Variants in INSR observed in about 807,000 individuals in gnomAD.
The protein encoded by INSR is IR.
A neutral mutation model predicts 142.6 loss-of-function variants in INSR; 67 were observed. That is an observed-to-expected ratio of 0.47 (90% CI 0.39 to 0.58). The LOEUF is 0.58. Among genes scored for constraint, INSR ranks in the 20% least tolerant of loss-of-function variants. The pLI, the probability that INSR is intolerant of heterozygous loss-of-function variation, is 0.00. For missense variants in INSR, 1,248 were observed against 1,833.2 expected (o/e 0.68, Z 5.83); for synonymous variants, 756 against 743.1 (o/e 1.02, Z -0.28).
At chr19:7,264,970 G>GACTC (rs1196936684) in intron 2 of INSR, among the ~76,000 whole-genome samples, 1 of 152,136 alleles carries the variant, frequency 6.6e-6, no homozygotes, top group Non-Finnish European at 1.5e-5. Context: ...TCTATTTAAG[G>GACTC]ACTCACTCAC....
At chr19:7,124,054 T>C (rs977676646) in intron 17 of INSR, among the ~76,000 whole-genome samples, 2 of 148,704 alleles carry the variant, frequency 1.3e-5, no homozygotes, top group African/African-American at 5.0e-5. Flanking sequence ...ACCCCGTCTC[T>C]ACTGAAAATA....
At chr19:7,151,201 TTTCTTTC>T (rs1973347321) in intron 10 of INSR, among the ~76,000 whole-genome samples, 7 of 116,482 alleles carry the variant, frequency 6.0e-5, no homozygotes, top group African/African-American at 2.0e-4. Context: ...TCTTTCTTTC[TTTCTTTC>T]TTTTTCTTTC....
intron 2 of INSR, among the ~76,000 whole-genome samples, chr19:7,185,860 GAGAGAGAGAGACAA>G (rs1974415793): frequency 6.2e-4 from 28 of 45,512 alleles, no homozygotes; most frequent in African/African-American, 1.9e-3. Context: ...AAAAAAAAAA[GAGAGAGAGAGACAA>G]AGAGAGAGAG....
chr19:7,273,025 C>T (rs914364676), intron 1 of INSR, among the ~76,000 whole-genome samples: 2 of 152,174 alleles, frequency 1.3e-5, no homozygotes, highest in East Asian at 1.9e-4. Context: ...CTAGAGGGTA[C>T]AGGGTTTCTT....
chr19:7,213,067 C>T (rs552662586), intron 2 of INSR, among the ~76,000 whole-genome samples: 4 of 151,104 alleles, frequency 2.6e-5, no homozygotes, highest in Non-Finnish European at 5.9e-5. Flanking sequence ...TACAGGGGGC[C>T]GGGCGCGGTG....
At chr19:7,196,842 A>G (rs112087594) in intron 2 of INSR, among the ~76,000 whole-genome samples, 1 of 152,214 alleles carries the variant, frequency 6.6e-6, no homozygotes, top group Non-Finnish European at 1.5e-5. Context: ...GAAATTTCCA[A>G]ACGGAACAGT....
At chr19:7,194,216 C>T (rs1009194061) in intron 2 of INSR, among the ~76,000 whole-genome samples, 1 of 151,934 alleles carries the variant, frequency 6.6e-6, no homozygotes, top group African/African-American at 2.4e-5. Context: ...GTCAGGAGTT[C>T]GAGACCAGCC....
At chr19:7,213,356 A>AAAC (rs1555753427) in intron 2 of INSR, among the ~76,000 whole-genome samples, 2 of 140,428 alleles carry the variant, frequency 1.4e-5, no homozygotes, top group African/African-American at 3.2e-5. Flanking sequence ...AAAAAAAAAA[A>AAAC]AAACAAACAA....
chr19:7,139,492 G>A (rs66902150), intron 13 of INSR, among the ~76,000 whole-genome samples: 11,165 of 152,108 alleles, frequency 0.073, 588 homozygotes, highest in African/African-American at 0.14. Flanking sequence ...AGGCTATTGT[G>A]GACAGAGACA....
rs1431132740 is a variant in INSR at position 7,225,883 on chromosome 19, G to T, written c.653-41246C>A. 6.6e-6 allele frequency among the ~76,000 whole-genome samples: 1 copy of T among 152,170 alleles called. No individual in the cohort carries two copies. The highest frequency in any genetic ancestry group is 1.5e-5 in the Non-Finnish European group (1 of 68,020). ...CGCTCCAGGCATGGAATGGGTGGAA[G>T]CCAGGGATGCTGCTAGCACCCTCAG... is the stretch of plus-strand genomic sequence containing the variant. On this transcript the variant is annotated intron_variant, in intron 2 of 21. Coordinates refer to ENST00000302850, the MANE Select transcript of INSR (RefSeq NM_000208.4). The surrounding 1 kb of genome is among the most constrained non-coding windows in gnomAD (Gnocchi z 4.7).
intron 1 of INSR, chr19:7,268,542 C>T (rs766398462): frequency 1.0e-6 from 1 of 985,366 alleles, no homozygotes; most frequent in Non-Finnish European, 1.2e-6. Context: ...CTGCACTTCC[C>T]TCAAGATTCT....
chr19:7,184,914 T>C (rs1179502245), intron 2 of INSR, among the ~76,000 whole-genome samples: 1 of 152,186 alleles, frequency 6.6e-6, no homozygotes, highest in Non-Finnish European at 1.5e-5. Context: ...CCCAGATTTA[T>C]ATAGCATTTG....
chr19:7,280,865 T>G (rs1968188212), intron 1 of INSR, among the ~76,000 whole-genome samples: 1 of 151,588 alleles, frequency 6.6e-6, no homozygotes, highest in South Asian at 2.1e-4. Flanking sequence ...TGCACTGCAC[T>G]CCAGCCTGGG....
chr19:7,267,963 C>A lies in INSR; in HGVS notation c.101-67G>T. On this transcript the variant is annotated intron_variant, in intron 1 of 21. Coordinates refer to ENST00000302850, the MANE Select transcript of INSR (RefSeq NM_000208.4). This position sits in a 1 kb window ranked among gnomAD's most constrained non-coding sequence, Gnocchi z 6.3. ...CGCACGGTGGATGCATCAGAAGGAT[C>A]AGGGGCAGAGCCGGCTTCATGGACA... The A allele has an allele frequency of 2.2e-6, 3 of 1,369,878 alleles. No homozygotes were observed. The highest frequency in any genetic ancestry group is 3.1e-6 in the Non-Finnish European group (3 of 975,014). 84.9% of individuals were successfully genotyped at this position (1,369,878 alleles called of 1,614,324 possible). A position where few individuals can be genotyped will look rare whatever the true frequency, so the allele number is the denominator to read the frequency against.
At chr19:7,211,921 G>T (rs1238516927) in intron 2 of INSR, among the ~76,000 whole-genome samples, 1 of 140,786 alleles carries the variant, frequency 7.1e-6, no homozygotes, top group Non-Finnish European at 1.5e-5. Flanking sequence ...TTCAACACCT[G>T]GTAATGCCGG....
intron 9 of INSR, 49 bp from the exon 10 acceptor site, chr19:7,152,976 CACAT>C: frequency 8.4e-7 from 1 of 1,188,294 alleles, no homozygotes; most frequent in Non-Finnish European, 1.2e-6. Context: ...CGGCTGAACA[CACAT>C]ACACACACAC....
In INSR at chr19:7,116,115, C is replaced by CT. The variant is rs1329032543; in HGVS notation, c.*940dup. On this transcript the variant is annotated 3_prime_UTR_variant, in exon 22 of 22. Coordinates refer to ENST00000302850, the MANE Select transcript of INSR (RefSeq NM_000208.4). The stretch of plus-strand genomic sequence containing the variant: ...TTTTCCTTTTTCCATTTTGTTTTTT[C>CT]TTTCTTTTTCTTTTTTTTTTTTTAA... 2 of 94,212 alleles carry CT rather than the reference C, an allele frequency of 2.1e-5. No individual in the cohort carries two copies. 5.8% of individuals were successfully genotyped at this position (94,212 alleles called of 1,614,324 possible). A position where few individuals can be genotyped will look rare whatever the true frequency, so the allele number is the denominator to read the frequency against.
At chr19:7,242,747 A>C (rs1416160593) in intron 2 of INSR, among the ~76,000 whole-genome samples, 1 of 151,580 alleles carries the variant, frequency 6.6e-6, no homozygotes, top group Non-Finnish European at 1.5e-5. Context: ...AAAAAAAAAA[A>C]AAAAAAACAG....
rs554473685 is a variant in INSR, at chr19:7,245,022, G to A, written c.652+22323C>T. On this transcript the variant is annotated intron_variant, in intron 2 of 21. Coordinates refer to ENST00000302850, the MANE Select transcript of INSR (RefSeq NM_000208.4). ...ATGATCTCGGCTCACTGCAAGCTCC[G>A]CCTCCCAAGTTCACGCCATTCTCCT... Among the ~76,000 whole-genome samples, 151 of 139,008 alleles carry A rather than the reference G, an allele frequency of 1.1e-3. 1 individual carries two copies. The highest frequency in any genetic ancestry group is 3.7e-3 in the African/African-American group (139 of 37,744). 91.2% of individuals were successfully genotyped at this position (139,008 alleles called of 152,430 possible).
Sources: gnomAD v4.1 joint callset for allele counts (sites outside exome capture counted in the v4.1 genomes callset) on GRCh38, gnomAD v4.1.1 for gene constraint, Gnocchi (gnomAD v3.1) non-coding constraint, MANE v1.5 for transcripts, NCBI Gene and HGNC (gene_info 2026-07-23, HGNC 2026-07-21) for gene names.